RNF157: variants seen among roughly 807,000 people sequenced by gnomAD.
RNF157 encodes ring finger protein 157.
Under a neutral mutation model 88.3 loss-of-function variants are expected in RNF157, and 55 were observed. The ratio of observed to expected loss-of-function variants is 0.62; its 90% CI spans 0.50 to 0.78. The LOEUF is 0.78. Ranked by LOEUF, RNF157 falls within the 30% of genes least tolerant of loss-of-function variation. The probability of loss-of-function intolerance (pLI) is 0.00; values close to 1 mark genes in which losing one functional copy is unlikely to be tolerated. For missense variants in RNF157, 788 were observed against 860.8 expected, an observed-to-expected ratio of 0.92 and a Z score of 1.06; for synonymous variants, 334 against 341.2, an observed-to-expected ratio of 0.98 and a Z score of 0.23.
chr17:76,197,213 G>A (rs947839106), intron 2 of RNF157, among the ~76,000 whole-genome samples: 8 of 152,190 alleles, frequency 5.3e-5, no homozygotes, highest in South Asian at 2.1e-4. Context: ...TAGGAGACAC[G>A]GGGCTGTATA....
intron 1 of RNF157, among the ~76,000 whole-genome samples, chr17:76,218,507 T>C (rs2069928623): frequency 6.6e-6 from 1 of 151,988 alleles, no homozygotes; most frequent in East Asian, 1.9e-4. Context: ...TAGCCAGGCA[T>C]GGTGGCATGT....
At chr17:76,192,621 T>G (rs1462098667) in intron 2 of RNF157, among the ~76,000 whole-genome samples, 1 of 152,186 alleles carries the variant, frequency 6.6e-6, no homozygotes, top group Non-Finnish European at 1.5e-5. Context: ...GTACAATTAA[T>G]GCTCACAAAA....
At chr17:76,171,024 C>T (rs9892399) in intron 3 of RNF157, among the ~76,000 whole-genome samples, 28,719 of 151,810 alleles carry the variant, frequency 0.19, 2,745 homozygotes, top group Middle Eastern at 0.26. Context: ...TCCCAAATAG[C>T]TGGGATTACA....
At chr17:76,212,809 C>T (rs957512808) in intron 1 of RNF157, among the ~76,000 whole-genome samples, 4 of 151,934 alleles carry the variant, frequency 2.6e-5, no homozygotes, top group African/African-American at 4.8e-5. Context: ...TGCAGTGAGC[C>T]GAGATCCTAG....
rs114878677 is a variant in RNF157 at position 76,167,184 on chromosome 17, C to T, written c.444-58G>A. On this transcript the variant is annotated intron_variant, in intron 4 of 18. Transcript: ENST00000269391. ...CAGTATCCGGCACAGATGGGTCTGA[C>T]AACTTCCTCTGCTCATGCCTGTTCT... is the stretch of plus-strand genomic sequence containing the variant. 9.2e-4 allele frequency: 1,111 copies of T among 1,209,708 alleles called. 10 individuals carry two copies. In the African/African-American group the frequency reaches 0.014, roughly 16 times the overall value. The allele number at this position is 1,209,708 out of a possible 1,614,324, so 74.9% of individuals were successfully genotyped here.
chr17:76,230,855 AAAAAGAGAGAGAG>A (rs1467265723), intron 1 of RNF157, among the ~76,000 whole-genome samples: 1 of 92,422 alleles, frequency 1.1e-5, no homozygotes, highest in African/African-American at 4.5e-5. Context: ...AAAAAAAAAA[AAAAAGAGAGAGAG>A]AGAGAGAGAG....
chr17:76,230,159 T>C (rs959981295), intron 1 of RNF157, among the ~76,000 whole-genome samples: 2 of 152,208 alleles, frequency 1.3e-5, no homozygotes, highest in African/African-American at 4.8e-5. Context: ...ATGATCATAA[T>C]GTGAGTCCTT....
intron 18 of RNF157, among the ~76,000 whole-genome samples, chr17:76,149,773 C>A (rs1186003319): frequency 6.6e-6 from 1 of 152,154 alleles, no homozygotes; most frequent in East Asian, 1.9e-4. Context: ...GTGGCTCACA[C>A]CTGTAATCTC....
rs2068941911 is a variant in RNF157, at chr17:76,167,223, G to A, written c.444-97C>T. 10 of 884,794 alleles carry A rather than the reference G, an allele frequency of 1.1e-5. No individual in the cohort carries two copies. In the South Asian group the frequency reaches 1.3e-4, roughly 11 times the overall value. 54.8% of individuals were successfully genotyped at this position (884,794 alleles called of 1,614,324 possible). The stretch of plus-strand genomic sequence containing the variant: ...CATGCCTGTTCTCAATTATCAACAG[G>A]GTCTAGCGAAGAGAAGAAAGGGTCC... On this transcript the variant is annotated intron_variant, in intron 4 of 18. Coordinates refer to ENST00000269391, the MANE Select transcript of RNF157 (RefSeq NM_052916.3).
intron 2 of RNF157, among the ~76,000 whole-genome samples, chr17:76,194,624 G>A (rs1210903232): frequency 2.0e-5 from 3 of 152,180 alleles, no homozygotes; most frequent in Non-Finnish European, 1.5e-5. Context: ...TACCAGACAC[G>A]ATTAGGTTTC....
At chr17:76,189,733 T>A (rs1156583477) in intron 2 of RNF157, among the ~76,000 whole-genome samples, 1 of 152,142 alleles carries the variant, frequency 6.6e-6, no homozygotes, top group East Asian at 1.9e-4. Flanking sequence ...GGTTCTCAGA[T>A]CCTGGAAGCC....
rs1320903934 is a variant in RNF157 at position 76,166,533 on chromosome 17, G to A, written c.562-6C>T. ...CGGTCTAAATCAAAGCCAAGCTGAA[G>A]GGAAAGAAAAGGAAAGGAAAAAAAA... On this transcript the variant is annotated splice_region_variant and splice_polypyrimidine_tract_variant and intron_variant, in intron 5 of 18. Coordinates refer to ENST00000269391, the MANE Select transcript of RNF157 (RefSeq NM_052916.3). 1.2e-6 allele frequency: 2 copies of A among 1,613,218 alleles called. No homozygotes were observed. Among genetic ancestry groups the A allele is most frequent in the Non-Finnish European group, 1.7e-6 (2 of 1,179,382 alleles).
At chr17:76,193,505 T>A (rs980107339) in intron 2 of RNF157, among the ~76,000 whole-genome samples, 7 of 151,906 alleles carry the variant, frequency 4.6e-5, no homozygotes, top group Non-Finnish European at 8.8e-5. Context: ...CCCTATATTC[T>A]ACTGGAATTT....
chr17:76,151,251 T>C (rs1430788481), intron 18 of RNF157, among the ~76,000 whole-genome samples: 1 of 152,180 alleles, frequency 6.6e-6, no homozygotes, highest in Non-Finnish European at 1.5e-5. Flanking sequence ...TAGAACAAAC[T>C]AAATAGAAAA....
At chr17:76,188,765 A>G (rs1228362209) in intron 2 of RNF157, among the ~76,000 whole-genome samples, 1 of 152,210 alleles carries the variant, frequency 6.6e-6, no homozygotes, top group Non-Finnish European at 1.5e-5. Context: ...CAGCAAGAGG[A>G]TTTAGTGACT....
intron 1 of RNF157, among the ~76,000 whole-genome samples, chr17:76,231,619 C>A (rs1457337766): frequency 1.3e-5 from 2 of 152,000 alleles, no homozygotes; most frequent in Non-Finnish European, 2.9e-5. Context: ...TAGTGAGACC[C>A]CATCTCCACT....
intron 2 of RNF157, among the ~76,000 whole-genome samples, chr17:76,174,322 A>G (rs1388990292): frequency 6.6e-6 from 1 of 152,220 alleles, no homozygotes; most frequent in Non-Finnish European, 1.5e-5. Context: ...CATATAAAGC[A>G]GAGCTCTTTA....
chr17:76,208,461 T>C (rs969800800), intron 2 of RNF157, among the ~76,000 whole-genome samples: 3 of 152,190 alleles, frequency 2.0e-5, no homozygotes, highest in Non-Finnish European at 4.4e-5. Flanking sequence ...ACCTTTTTCA[T>C]CATGATGTGA....
At chr17:76,225,626 T>C (rs772517467) in intron 1 of RNF157, 33 of 816,220 alleles carry the variant, frequency 4.0e-5, no homozygotes, top group Non-Finnish European at 6.0e-5. Flanking sequence ...ATTTATGGCA[T>C]GACCTCATTG....
Sources: gnomAD v4.1 joint callset for allele counts (sites outside exome capture counted in the v4.1 genomes callset) on GRCh38, gnomAD v4.1.1 for gene constraint, MANE v1.5 for transcripts, NCBI Gene and HGNC (gene_info 2026-07-23, HGNC 2026-07-21) for gene names.